BUB1B: variants seen among roughly 807,000 people sequenced by gnomAD.
The protein encoded by BUB1B is BUB1 mitotic checkpoint serine/threonine kinase B, also known as mitotic checkpoint serine/threonine-protein kinase BUB1 beta.
Under a neutral mutation model 137.7 loss-of-function variants are expected in BUB1B, and 86 were observed. The observed-to-expected ratio is 0.62, with a 90% confidence interval of 0.52 to 0.75. The LOEUF is 0.75. Ranked by LOEUF, BUB1B falls within the 30% of genes least tolerant of loss-of-function variation. BUB1B has a pLI of 0.00. For missense variants in BUB1B, 1,130 were observed against 1,236.9 expected (o/e 0.91, Z 1.30); for synonymous variants, 420 against 417.9 (o/e 1.00, Z -0.06).
At chr15:40,162,608 GCTGA>G (rs1212371709) in intron 1 of BUB1B, among the ~76,000 whole-genome samples, 3 of 152,302 alleles carry the variant, frequency 2.0e-5, no homozygotes, top group East Asian at 1.9e-4. Flanking sequence ...AGTAGGACTT[GCTGA>G]CTGACTGAGG....
intron 2 of BUB1B, chr15:40,166,629 C>T (rs868855381): frequency 6.1e-4 from 119 of 194,228 alleles, no homozygotes; most frequent in Non-Finnish European, 6.2e-4. Flanking sequence ...CGTGAGCCAC[C>T]GCGCCCAGCA....
chr15:40,204,610 T>A (rs2037613955), intron 14 of BUB1B, among the ~76,000 whole-genome samples: 1 of 151,514 alleles, frequency 6.6e-6, no homozygotes, highest in African/African-American at 2.4e-5. Context: ...ATCACATATA[T>A]AAATACATAT....
intron 18 of BUB1B, among the ~76,000 whole-genome samples, chr15:40,211,068 G>C (rs1595534141): frequency 6.6e-6 from 1 of 151,946 alleles, no homozygotes; most frequent in East Asian, 1.9e-4. Flanking sequence ...CCTTTTATTA[G>C]AGGTGTATAT....
At chr15:40,207,948 C>T (rs1252378497) in intron 15 of BUB1B, among the ~76,000 whole-genome samples, 2 of 149,996 alleles carry the variant, frequency 1.3e-5, no homozygotes, top group East Asian at 2.0e-4. Context: ...AAGTGATTCT[C>T]CCACCTCAGC....
At chr15:40,183,672 T>C (rs1289528108) in intron 5 of BUB1B, 42 bp from the exon 6 acceptor site, 5 of 1,599,844 alleles carry the variant, frequency 3.1e-6, no homozygotes, top group Middle Eastern at 1.7e-4. Flanking sequence ...TCTGGTAAAA[T>C]AGTGGTCACC....
intron 15 of BUB1B, among the ~76,000 whole-genome samples, chr15:40,206,731 T>C (rs2037642157): frequency 6.6e-6 from 1 of 152,208 alleles, no homozygotes; most frequent in Non-Finnish European, 1.5e-5. Flanking sequence ...AAAGTGTACA[T>C]GACTGACGAA....
chr15:40,205,803 G>A (rs10518682), intron 14 of BUB1B, among the ~76,000 whole-genome samples: 105,238 of 152,130 alleles, frequency 0.69, 37,165 homozygotes, highest in African/African-American at 0.76. Flanking sequence ...TACATGAATT[G>A]TCTTTAAGAA....
At chr15:40,194,190 A>G (rs2037471208) in intron 8 of BUB1B, among the ~76,000 whole-genome samples, 1 of 152,100 alleles carries the variant, frequency 6.6e-6, no homozygotes, top group Non-Finnish European at 1.5e-5. Context: ...TTCATTGCAA[A>G]TGGGTAAAAT....
chr15:40,212,225 G>T (rs920199857), intron 18 of BUB1B, among the ~76,000 whole-genome samples: 5 of 152,224 alleles, frequency 3.3e-5, no homozygotes, highest in African/African-American at 1.2e-4. Context: ...CAGTTATATA[G>T]TATAGGAAAA....
At chr15:40,213,142 A>G (rs1199186386) in intron 19 of BUB1B, among the ~76,000 whole-genome samples, 190 bp from the exon 20 acceptor site, 3 of 152,172 alleles carry the variant, frequency 2.0e-5, no homozygotes, top group African/African-American at 7.2e-5. Flanking sequence ...TTATGTCATT[A>G]AATCCTTACA....
At chr15:40,174,762 G>A (rs2037205598) in intron 4 of BUB1B, among the ~76,000 whole-genome samples, 1 of 152,168 alleles carries the variant, frequency 6.6e-6, no homozygotes, top group Non-Finnish European at 1.5e-5. Context: ...TCAAGAGATG[G>A]AGACCATCCT....
At chr15:40,189,297 C>A (rs2037408313) in intron 8 of BUB1B, among the ~76,000 whole-genome samples, 1 of 152,132 alleles carries the variant, frequency 6.6e-6, no homozygotes, top group South Asian at 2.1e-4. Context: ...GTATCTGGGA[C>A]TACAGGCATG....
rs981618923 is a variant in BUB1B, at chr15:40,196,609, G to A, written c.1123G>A (p.Glu375Lys). ...AAGCACCAGAAAGCCTGGAAAGGAA[G>A]AAGGAGATCCTCTACAAAGGGTTCA... Reference protein sequence around the residue: ...ILSTRKPGKEEGDPLQRVQSH... With the variant: ...ILSTRKPGKEKGDPLQRVQSH... Residue 375 changes from glutamate to lysine, a missense_variant, in exon 9 of 23, where the codon GAA becomes AAA. Glu to Lys is a moderately conservative substitution (Grantham distance 56). Coordinates refer to ENST00000287598, the MANE Select transcript of BUB1B (RefSeq NM_001211.6). 6.2e-6 allele frequency: 10 copies of A among 1,613,898 alleles called. No individual in the cohort carries two copies. In the African/African-American group the frequency reaches 1.3e-4, roughly 22 times the overall value.
In BUB1B at chr15:40,213,451, A is replaced by G; in HGVS notation, c.2655A>G (p.Pro885=). The change falls in exon 20 of 23, where the codon CCA becomes CCG. Residue 885 remains proline, a synonymous_variant. Coordinates refer to ENST00000287598, the MANE Select transcript of BUB1B (RefSeq NM_001211.6). ...AAATAGTCCATGGTGACTTGAGTCCAAGGTGTCTGATTCTCAGAAACAGGT... is the reference window on the plus strand; with the variant it reads ...AAATAGTCCATGGTGACTTGAGTCCGAGGTGTCTGATTCTCAGAAACAGGT... The part of the protein sequence containing the change: ...KAEIVHGDLS[P]RCLILRNRIH... 1 of 1,614,208 alleles carries G rather than the reference A, an allele frequency of 6.2e-7. No homozygotes were observed. The highest frequency in any genetic ancestry group is 1.3e-5 in the African/African-American group (1 of 75,052).
chr15:40,165,291 C>G, intron 2 of BUB1B, 95 bp downstream of exon 2: 1 of 1,551,132 alleles, frequency 6.4e-7, no homozygotes, highest in African/African-American at 1.4e-5. Context: ...ATAATGAGTA[C>G]TTTTCAAAAA....
chr15:40,172,206 GAAAT>G (rs941787493), intron 4 of BUB1B, among the ~76,000 whole-genome samples: 8 of 150,610 alleles, frequency 5.3e-5, no homozygotes, highest in Admixed American at 2.0e-4. Context: ...AATAAAGTAA[GAAAT>G]AAATTTCTTA....
intron 18 of BUB1B, among the ~76,000 whole-genome samples, chr15:40,211,026 C>G (rs561373225): frequency 6.6e-6 from 1 of 152,164 alleles, no homozygotes; most frequent in Non-Finnish European, 1.5e-5. Context: ...TATTTTTCCC[C>G]TCAGTTTTCT....
chr15:40,176,691 C>T lies in BUB1B; in HGVS notation c.581+18C>T. The T allele has an allele frequency of 6.2e-7, 1 of 1,608,548 alleles. No homozygotes were observed. Among genetic ancestry groups the T allele is most frequent in the Non-Finnish European group, 8.5e-7 (1 of 1,175,034 alleles). Reference sequence around the variant, plus strand: ...CAGCACCGGTAAACTTTCTTTGGAGCTTGTCTTAACTCTAAAAATAATAGA... The same window carrying T: ...CAGCACCGGTAAACTTTCTTTGGAGTTTGTCTTAACTCTAAAAATAATAGA... On this transcript the variant is annotated intron_variant, in intron 5 of 22. Transcript: ENST00000287598.
intron 5 of BUB1B, among the ~76,000 whole-genome samples, chr15:40,181,394 A>G (rs1036015571): frequency 6.6e-6 from 1 of 152,162 alleles, no homozygotes; most frequent in East Asian, 1.9e-4. Context: ...CCTGGCCTAG[A>G]TGTGGTTTTC....
Sources: gnomAD v4.1 joint callset for allele counts (sites outside exome capture counted in the v4.1 genomes callset) on GRCh38, gnomAD v4.1.1 for gene constraint, MANE v1.5 for transcripts, NCBI Gene and HGNC (gene_info 2026-07-23, HGNC 2026-07-21) for gene names.